The following LRP1B variants were observed in gnomAD, a reference collection of about 807,000 sequenced individuals.
LRP1B encodes the protein low-density lipoprotein receptor-related protein 1B.
A neutral mutation model predicts 556.6 loss-of-function variants in LRP1B; 217 were observed. The observed-to-expected ratio is 0.39, with a 90% CI of 0.35 to 0.44. The LOEUF is 0.44. Ranked by LOEUF, LRP1B falls within the 20% of genes least tolerant of loss-of-function variation. LRP1B has a pLI of 1.00. For synonymous variants in LRP1B, 2,047 were observed against 1,865.8 expected, an observed-to-expected ratio of 1.10 and a Z score of -2.50; for missense variants, 5,053 against 5,620.8, an observed-to-expected ratio of 0.90 and a Z score of 3.23.
intron 80 of LRP1B, among the ~76,000 whole-genome samples, chr2:140,325,086 A>T (rs1399515160): frequency 6.6e-6 from 1 of 152,116 alleles, no homozygotes; most frequent in East Asian, 1.9e-4. Flanking sequence ...AAATTGTGGG[A>T]AGGAGTTGAA....
At chr2:140,965,069 A>G (rs150588443) in intron 18 of LRP1B, among the ~76,000 whole-genome samples, 64 of 152,336 alleles carry the variant, frequency 4.2e-4, no homozygotes, top group Non-Finnish European at 7.6e-4. Flanking sequence ...GTTGCACATG[A>G]GAATCACGTG....
intron 1 of LRP1B, among the ~76,000 whole-genome samples, chr2:142,019,573 C>T (rs6723959): frequency 0.44 from 67,081 of 151,970 alleles, 15,110 homozygotes; most frequent in Middle Eastern, 0.55. Flanking sequence ...TTCTATCCTT[C>T]CCCATTGCAG....
chr2:140,932,805 GT>G (rs2105273632), intron 20 of LRP1B, among the ~76,000 whole-genome samples: 1 of 149,902 alleles, frequency 6.7e-6, no homozygotes, highest in East Asian at 2.0e-4. Flanking sequence ...CTTGAGTTCA[GT>G]TTTAGGTTTC....
intron 1 of LRP1B, among the ~76,000 whole-genome samples, chr2:141,996,719 C>T (rs948658542): frequency 1.3e-5 from 2 of 149,750 alleles, no homozygotes; most frequent in Non-Finnish European, 3.0e-5. Flanking sequence ...TCTTTCCCCC[C>T]CCCTACAAAC....
chr2:140,436,111 T>C (rs764519611), intron 66 of LRP1B, among the ~76,000 whole-genome samples: 2 of 152,004 alleles, frequency 1.3e-5, no homozygotes, highest in Non-Finnish European at 2.9e-5. Context: ...GAAAAACACA[T>C]GATATATCAA....
intron 1 of LRP1B, among the ~76,000 whole-genome samples, chr2:141,948,435 A>G (rs1033943183): frequency 6.6e-6 from 1 of 152,078 alleles, no homozygotes; most frequent in African/African-American, 2.4e-5. Context: ...TTTTTGACCC[A>G]GTAACATTAT....
At chr2:142,115,514 T>TATATATTATATATATTATATA (rs1415243635) in intron 1 of LRP1B, among the ~76,000 whole-genome samples, 1 of 86,610 alleles carries the variant, frequency 1.2e-5, no homozygotes, top group African/African-American at 4.3e-5. Context: ...ATATTATATA[T>TATATATTATATATATTATATA]TACATATATA....
At position 140,487,757 on chromosome 2, in the gene LRP1B, T is replaced by G. The variant is rs765680024; in HGVS notation, c.9121-18A>C. 1.4e-6 allele frequency: 2 copies of G among 1,463,400 alleles called. No homozygotes were observed. Among genetic ancestry groups the G allele is most frequent in the South Asian group, 2.4e-5 (2 of 81,898 alleles). 90.7% of individuals were successfully genotyped at this position (1,463,400 alleles called of 1,614,324 possible). A position where few individuals can be genotyped will look rare whatever the true frequency, so the allele number is the denominator to read the frequency against. ...TTTAATCCCTGAAAATAAAAAAGAC[T>G]ATGTTGTCAATGATAGTTCATAGAA... On this transcript the variant is annotated intron_variant, in intron 57 of 90. Coordinates refer to ENST00000389484, the MANE Select transcript of LRP1B (RefSeq NM_018557.3).
rs1234890162 is a variant in LRP1B, at chr2:141,096,623, AGAGGGG to A, written c.1014-34356_1014-34351del. Reference sequence around the variant, plus strand: ...CCTAGCCTGAATGACAAAGACGGGGAGAGGGGGAGAGAGAGAGAGAGAGAGAGAGAG... The same window carrying A: ...CCTAGCCTGAATGACAAAGACGGGGAGAGAGAGAGAGAGAGAGAGAGAGAG... On this transcript the variant is annotated intron_variant, in intron 7 of 90. Coordinates refer to ENST00000389484, the MANE Select transcript of LRP1B (RefSeq NM_018557.3). 8.9e-3 allele frequency among the ~76,000 whole-genome samples: 334 copies of A among 37,358 alleles called. 13 individuals are homozygous for A. Among genetic ancestry groups the A allele is most frequent in the Admixed American group, 0.014 (47 of 3,332 alleles). The allele number at this position is 37,358 out of a possible 152,430, so 24.5% of individuals were successfully genotyped here. A position where few individuals can be genotyped will look rare whatever the true frequency, so the allele number is the denominator to read the frequency against.
chr2:141,929,354 T>G (rs932075993), intron 1 of LRP1B, among the ~76,000 whole-genome samples: 9 of 152,106 alleles, frequency 5.9e-5, no homozygotes, highest in South Asian at 4.1e-4. Context: ...TGTCACATAC[T>G]TTAATATTCC....
At chr2:141,508,757 T>A (rs1013771439) in intron 2 of LRP1B, among the ~76,000 whole-genome samples, 3 of 152,140 alleles carry the variant, frequency 2.0e-5, no homozygotes, top group African/African-American at 7.2e-5. Flanking sequence ...GAACACCTTG[T>A]TATTTTTAGA....
chr2:142,100,683 G>A (rs920907220), intron 1 of LRP1B, among the ~76,000 whole-genome samples: 2 of 151,932 alleles, frequency 1.3e-5, no homozygotes, highest in African/African-American at 4.8e-5. Flanking sequence ...AAAGAAAACT[G>A]CATACCTCTG....
intron 3 of LRP1B, among the ~76,000 whole-genome samples, chr2:141,426,138 T>C (rs866784404): frequency 6.6e-6 from 1 of 152,090 alleles, no homozygotes; most frequent in Admixed American, 6.6e-5. Flanking sequence ...TTTCTACATA[T>C]GGCTAGCCAG....
At chr2:140,750,887 A>T (rs1373838635) in intron 35 of LRP1B, among the ~76,000 whole-genome samples, 2 of 152,106 alleles carry the variant, frequency 1.3e-5, no homozygotes, top group African/African-American at 4.8e-5. Context: ...CCTCTATTGA[A>T]TGAAGAACAT....
At chr2:141,475,806 G>C (rs6725403) in intron 3 of LRP1B, among the ~76,000 whole-genome samples, 51,051 of 151,914 alleles carry the variant, frequency 0.34, 9,176 homozygotes, top group Non-Finnish European at 0.4. Context: ...CGAACTCCAA[G>C]GGAAGATCAT....
intron 1 of LRP1B, among the ~76,000 whole-genome samples, chr2:142,129,282 T>A (rs1707764188): frequency 6.6e-6 from 1 of 152,232 alleles, no homozygotes; most frequent in African/African-American, 2.4e-5. Context: ...AAGCTATGGT[T>A]AGGTGGCAAT....
At chr2:140,327,298 T>C (rs530037399) in intron 79 of LRP1B, among the ~76,000 whole-genome samples, 202 of 152,240 alleles carry the variant, frequency 1.3e-3, no homozygotes, top group African/African-American at 4.6e-3. Flanking sequence ...TGAATAATTC[T>C]TCAGTTAAAT....
chr2:141,878,980 A>C (rs1434053247), intron 1 of LRP1B, among the ~76,000 whole-genome samples: 1 of 151,904 alleles, frequency 6.6e-6, no homozygotes, highest in Non-Finnish European at 1.5e-5. Flanking sequence ...TATTTTTGAG[A>C]GGGGAATATT....
intron 7 of LRP1B, among the ~76,000 whole-genome samples, chr2:141,130,123 A>T (rs1306197826): frequency 6.6e-5 from 10 of 152,006 alleles, no homozygotes; most frequent in Non-Finnish European, 1.0e-4. Context: ...AGTGGCCATT[A>T]AAAAATATTT....
Sources: gnomAD v4.1 joint callset for allele counts (sites outside exome capture counted in the v4.1 genomes callset) on GRCh38, gnomAD v4.1.1 for gene constraint, MANE v1.5 for transcripts, NCBI Gene and HGNC (gene_info 2026-07-23, HGNC 2026-07-21) for gene names.